Variants in HDAC9 observed in about 807,000 individuals in gnomAD.
HDAC9 encodes the protein MEF-2 interacting transcription repressor (MITR) protein.
A neutral mutation model predicts 139.4 loss-of-function variants in HDAC9; 41 were observed. The observed-to-expected ratio is 0.29, with a 90% CI of 0.23 to 0.38. The LOEUF is 0.38. Ranked by LOEUF, HDAC9 falls within the 10% of genes least tolerant of loss-of-function variation. The pLI is 1.00. For missense variants in HDAC9, 1,147 were observed against 1,297.0 expected (o/e 0.88, Z 1.78); for synonymous variants, 517 against 476.2 (o/e 1.09, Z -1.12).
chr7:18,726,741 T>C (rs1785581895), intron 12 of HDAC9, among the ~76,000 whole-genome samples: 1 of 150,864 alleles, frequency 6.6e-6, no homozygotes, highest in South Asian at 2.1e-4. Context: ...TGAAAGAATA[T>C]ATATTTAAAA....
At chr7:18,851,245 G>A (rs1055178554) in intron 21 of HDAC9, among the ~76,000 whole-genome samples, 2 of 152,132 alleles carry the variant, frequency 1.3e-5, no homozygotes, top group Non-Finnish European at 2.9e-5. Context: ...ATCTCATCTC[G>A]AATTGTAATC....
intron 1 of HDAC9, among the ~76,000 whole-genome samples, chr7:18,473,007 A>G (rs1380844031): frequency 1.3e-5 from 2 of 152,210 alleles, no homozygotes; most frequent in Non-Finnish European, 2.9e-5. Context: ...CAATCCAGAT[A>G]GACTCACCTG....
intron 2 of HDAC9, among the ~76,000 whole-genome samples, chr7:18,165,189 A>C (rs1057069414): frequency 6.6e-6 from 1 of 152,182 alleles, no homozygotes; most frequent in Non-Finnish European, 1.5e-5. Flanking sequence ...AGCATTTTCA[A>C]AACATGTCAG....
chr7:18,645,683 T>C (rs1161930839), intron 9 of HDAC9, among the ~76,000 whole-genome samples: 1 of 152,174 alleles, frequency 6.6e-6, no homozygotes, highest in Non-Finnish European at 1.5e-5. Flanking sequence ...AATTCATCTC[T>C]GAAATGTTAG....
At chr7:18,196,556 A>G (rs1790739139) in intron 2 of HDAC9, among the ~76,000 whole-genome samples, 3 of 152,304 alleles carry the variant, frequency 2.0e-5, no homozygotes, top group South Asian at 4.1e-4. Context: ...GAATTATGAG[A>G]TGATGGAAGA....
At chr7:18,174,109 C>T (rs940566955) in intron 2 of HDAC9, among the ~76,000 whole-genome samples, 1 of 152,164 alleles carries the variant, frequency 6.6e-6, no homozygotes, top group African/African-American at 2.4e-5. Context: ...TTGGTCTTTT[C>T]GCATAGTCCC....
At chr7:18,098,754 C>T (rs1002644291) in intron 1 of HDAC9, among the ~76,000 whole-genome samples, 1 of 152,170 alleles carries the variant, frequency 6.6e-6, no homozygotes, top group African/African-American at 2.4e-5. Context: ...CAGCACACAG[C>T]TGCTCATTGA....
intron 2 of HDAC9, among the ~76,000 whole-genome samples, chr7:18,284,497 A>T (rs942751953): frequency 1.3e-5 from 2 of 152,114 alleles, no homozygotes; most frequent in Non-Finnish European, 2.9e-5. Context: ...AGACAAGAAA[A>T]GTGTGTTTGA....
intron 6 of HDAC9, among the ~76,000 whole-genome samples, chr7:18,602,540 C>G (rs1488006775): frequency 6.6e-6 from 1 of 151,508 alleles, no homozygotes; most frequent in Non-Finnish European, 1.5e-5. Flanking sequence ...AGTGGAAGCT[C>G]AGATTATTCA....
chr7:18,626,936 C>T (rs1406681116), intron 6 of HDAC9, among the ~76,000 whole-genome samples: 1 of 152,130 alleles, frequency 6.6e-6, no homozygotes, highest in East Asian at 1.9e-4. Flanking sequence ...GAGGACAAGA[C>T]TGAGAATAAG....
chr7:18,241,342 G>C (rs146911412), intron 2 of HDAC9, among the ~76,000 whole-genome samples: 1 of 152,222 alleles, frequency 6.6e-6, no homozygotes, highest in African/African-American at 2.4e-5. Flanking sequence ...TGTCATAGTT[G>C]GTTTATAGCC....
intron 1 of HDAC9, among the ~76,000 whole-genome samples, chr7:18,108,311 C>T (rs573355955): frequency 1.3e-5 from 2 of 152,088 alleles, no homozygotes; most frequent in Non-Finnish European, 2.9e-5. Flanking sequence ...GTACCAACAG[C>T]GTTCACTGTA....
chr7:18,383,718 T>A lies in HDAC9; in HGVS notation c.-42+93203T>A, dbSNP rs187472148. 2.8e-5 allele frequency among the ~76,000 whole-genome samples: 4 copies of A among 141,804 alleles called. No individual in the cohort carries two copies. In the East Asian group the frequency reaches 6.1e-4, roughly 22 times the overall value. The allele number at this position is 141,804 out of a possible 152,430, so 93.0% of individuals were successfully genotyped here. On this transcript the variant is annotated intron_variant, in intron 1 of 3. Transcript: ENST00000413509. The stretch of plus-strand genomic sequence containing the variant: ...AAAGAACTGATGACCCCGTCTCTAC[T>A]AAAAAAAAAAAAATACAAAAAATTA...
intron 25 of HDAC9, among the ~76,000 whole-genome samples, chr7:18,984,282 T>A (rs2717348): frequency 0.027 from 4,065 of 152,154 alleles, 176 homozygotes; most frequent in African/African-American, 0.09. Context: ...AGAGAGTATA[T>A]GAGTGCAAAC....
rs919639997 is a variant in HDAC9 at position 18,999,702 on chromosome 7, G to A, written c.*3640G>A. On this transcript the variant is annotated 3_prime_UTR_variant, in exon 26 of 26. Coordinates refer to ENST00000686413, the MANE Select transcript of HDAC9 (RefSeq NM_178425.4). ...GATCCGCCCGCCTCGGCCTCCCAAA[G>A]TGCTGAAATTACAGGTGTGAGCCAC... The A allele has an allele frequency of 1.3e-5, 2 of 152,208 alleles. No individual in the cohort carries two copies. Among genetic ancestry groups the A allele is most frequent in the Non-Finnish European group, 2.9e-5 (2 of 68,070 alleles). 9.4% of individuals were successfully genotyped at this position (152,208 alleles called of 1,614,324 possible).
intron 2 of HDAC9, among the ~76,000 whole-genome samples, chr7:18,528,930 G>C (rs1384600907): frequency 1.3e-5 from 2 of 152,054 alleles, no homozygotes; most frequent in African/African-American, 4.8e-5. Flanking sequence ...AAAAACATGA[G>C]ATAAAATGGC....
chr7:18,192,294 G>A (rs771882998), intron 2 of HDAC9, among the ~76,000 whole-genome samples: 5 of 152,168 alleles, frequency 3.3e-5, no homozygotes, highest in Non-Finnish European at 4.4e-5. Flanking sequence ...TAAGATTGAT[G>A]TGGCTTGCTG....
At chr7:18,551,914 T>G (rs1328757007) in intron 2 of HDAC9, among the ~76,000 whole-genome samples, 1 of 152,244 alleles carries the variant, frequency 6.6e-6, no homozygotes, top group Non-Finnish European at 1.5e-5. Context: ...ATTTTATGTA[T>G]TATTATCTTA....
chr7:18,327,283 G>T (rs554272168), intron 1 of HDAC9, among the ~76,000 whole-genome samples: 25 of 151,846 alleles, frequency 1.6e-4, no homozygotes, highest in African/African-American at 6.0e-4. Context: ...ATTTAATCTG[G>T]TAACTAAAAT....
Sources: allele counts gnomAD v4.1 joint callset (sites outside exome capture counted in the v4.1 genomes callset), GRCh38; gene constraint gnomAD v4.1.1; transcripts MANE v1.5; gene names NCBI Gene and HGNC (gene_info 2026-07-23, HGNC 2026-07-21).